NRXN2: variants seen among roughly 807,000 people sequenced by gnomAD.
The protein encoded by NRXN2 is neurexin-2-beta.
Under a neutral mutation model 128.8 loss-of-function variants are expected in NRXN2, and 29 were observed. The observed-to-expected ratio is 0.23, with a 90% confidence interval of 0.17 to 0.31. The LOEUF is 0.31. Ranked by LOEUF, NRXN2 falls within the 10% of genes least tolerant of loss-of-function variation. The probability of loss-of-function intolerance (pLI) is 1.00; values close to 1 mark genes in which losing one functional copy is unlikely to be tolerated. For missense variants in NRXN2, 1,881 were observed against 2,452.6 expected, an observed-to-expected ratio of 0.77 and a Z score of 4.92; for synonymous variants, 1,098 against 1,075.2, an observed-to-expected ratio of 1.02 and a Z score of -0.41.
intron 22 of NRXN2, among the ~76,000 whole-genome samples, chr11:64,610,254 G>C (rs4930556): frequency 0.52 from 78,507 of 151,980 alleles, 23,732 homozygotes; most frequent in Non-Finnish European, 0.7. Context: ...CCCTCCAAAG[G>C]CTCAGTCACA....
At chr11:64,637,054 G>A (rs1465533586) in intron 17 of NRXN2, among the ~76,000 whole-genome samples, 1 of 152,084 alleles carries the variant, frequency 6.6e-6, no homozygotes, top group African/African-American at 2.4e-5. Context: ...CCAGCAGGGG[G>A]TTGGGGGAAG....
chr11:64,703,539 T>A (rs953081379), intron 2 of NRXN2, among the ~76,000 whole-genome samples: 3 of 152,226 alleles, frequency 2.0e-5, no homozygotes, highest in Admixed American at 2.0e-4. Context: ...TCAAGACTTC[T>A]AGAAACTGAT....
In NRXN2 at chr11:64,620,368, G is replaced by A; in HGVS notation, c.4178C>T (p.Thr1393Ile). 1 of 1,552,900 alleles carries A rather than the reference G, an allele frequency of 6.4e-7. No individual in the cohort carries two copies. Among genetic ancestry groups the A allele is most frequent in the Non-Finnish European group, 8.7e-7 (1 of 1,147,686 alleles). The change falls in exon 22 of 23, where the codon ACA (threonine) becomes ATA (isoleucine). Residue 1393 changes from threonine to isoleucine, a missense_variant. This residue lies in a region of NRXN2 where 108 missense variants were observed against 165.2 expected (regional missense o/e 0.65). Coordinates refer to ENST00000265459, the MANE Select transcript of NRXN2 (RefSeq NM_015080.4). Reference protein sequence around the residue: ...PTLRDSTTQNTDDLLVASAEC... With the variant: ...PTLRDSTTQNIDDLLVASAEC... ...AGCAGAGGCCACCAGCAGGTCATCT[G>A]TGTTCTGAGGGGCGAGAGAAGGGGT...
At chr11:64,707,760 A>G (rs968032919) in intron 2 of NRXN2, among the ~76,000 whole-genome samples, 1 of 152,214 alleles carries the variant, frequency 6.6e-6, no homozygotes, top group Non-Finnish European at 1.5e-5. Context: ...TCTCTTAACA[A>G]CACACTGGAC....
chr11:64,657,125 G>A (rs540878022), intron 11 of NRXN2, among the ~76,000 whole-genome samples: 4 of 152,276 alleles, frequency 2.6e-5, no homozygotes. Flanking sequence ...GCCTCACCAG[G>A]CTTCTCTCTC....
chr11:64,656,272 C>A (rs1445068557), intron 11 of NRXN2, among the ~76,000 whole-genome samples: 1 of 152,186 alleles, frequency 6.6e-6, no homozygotes, highest in Non-Finnish European at 1.5e-5. Context: ...GGCAATGTAC[C>A]CTCCCATGGC....
At chr11:64,644,016 A>G (rs1016103385) in intron 17 of NRXN2, among the ~76,000 whole-genome samples, 1 of 151,986 alleles carries the variant, frequency 6.6e-6, no homozygotes. Flanking sequence ...CCACGTGCCC[A>G]TATGGGCACA....
chr11:64,707,682 T>C (rs546689215), intron 2 of NRXN2, among the ~76,000 whole-genome samples: 23 of 152,380 alleles, frequency 1.5e-4, no homozygotes, highest in African/African-American at 5.3e-4. Flanking sequence ...TCTTCATTTA[T>C]AGATAAGGAA....
chr11:64,651,129 G>T lies in NRXN2; in HGVS notation c.2918+126C>A. On this transcript the variant is annotated intron_variant, in intron 14 of 22. Transcript: ENST00000265459. This position sits in a 1 kb window ranked among gnomAD's most constrained non-coding sequence, Gnocchi z 5.9. ...GGGAGCCTCTCGACTTACGGTCGGG[G>T]ACCTGAATCTTGACTTGTGATCTGG... 7.6e-7 allele frequency: 1 copy of T among 1,319,156 alleles called. No homozygotes were observed. The highest frequency in any genetic ancestry group is 1.1e-6 in the Non-Finnish European group (1 of 930,184). The allele number at this position is 1,319,156 out of a possible 1,614,324, so 81.7% of individuals were successfully genotyped here.
At position 64,607,869 on chromosome 11, in the gene NRXN2, G is replaced by C; in HGVS notation, c.4466C>G (p.Pro1489Arg). 6.3e-7 allele frequency: 1 copy of C among 1,591,258 alleles called. No homozygotes were observed. Among genetic ancestry groups the C allele is most frequent in the South Asian group, 1.1e-5 (1 of 87,568 alleles). ...GGAGGCGAAGCCCGAGGCCTCGATG[G>C]GCTCCTCGCAGTCGCTGTCGTCCCG... ...AERDDSDCEE[P>R]IEASGFASGE... The change falls in exon 23 of 23, where the codon CCC (proline) becomes CGC (arginine). Residue 1489 changes from proline to arginine, a missense_variant. Physicochemically the swap from Pro to Arg is moderately radical, Grantham distance 103 (BLOSUM62 -2). Transcript: ENST00000265459.
Position 64,648,203 on chromosome 11 carries a change from C to T in NRXN2, c.3403+16G>A, listed in dbSNP as rs1555045274. The T allele has an allele frequency of 6.2e-7, 1 of 1,614,164 alleles. No individual in the cohort carries two copies. Among genetic ancestry groups the T allele is most frequent in the Middle Eastern group, 1.6e-4 (1 of 6,062 alleles). ...CTGGTCTCCCCAAACTGCCCCCAGCCCTCCCAGGCACTCACGATCATTGCA... is the reference window on the plus strand; with the variant it reads ...CTGGTCTCCCCAAACTGCCCCCAGCTCTCCCAGGCACTCACGATCATTGCA... On this transcript the variant is annotated intron_variant, in intron 17 of 22. Transcript: ENST00000265459. The surrounding 1 kb of genome is among the most constrained non-coding windows in gnomAD (Gnocchi z 4.1).
intron 2 of NRXN2, among the ~76,000 whole-genome samples, chr11:64,702,897 G>A (rs1327745199): frequency 6.9e-6 from 1 of 144,376 alleles, no homozygotes; most frequent in African/African-American, 2.6e-5. Flanking sequence ...GGTTGAAATA[G>A]AGGATCATTT....
Position 64,713,405 on chromosome 11 carries a change from C to T in NRXN2, c.295G>A (p.Ala99Thr), listed in dbSNP as rs762916724. The T allele has an allele frequency of 2.0e-6, 3 of 1,486,362 alleles. No individual in the cohort carries two copies. The highest frequency in any genetic ancestry group is 2.8e-5 in the East Asian group (1 of 35,088). 92.1% of individuals were successfully genotyped at this position (1,486,362 alleles called of 1,614,324 possible). The stretch of plus-strand genomic sequence containing the variant: ...ACCGGCGTGTCCAGCTGCAGCGTGG[C>T]CGGCTCGGCGCACGAAAGCGTGAAG... ...LRFTLSCAEPATLQLDTPVAD... is the reference protein window; with the variant it reads ...LRFTLSCAEPTTLQLDTPVAD... Residue 99 changes from alanine to threonine, a missense_variant, in exon 2 of 23, where the codon GCC becomes ACC. Ala to Thr is a moderately conservative substitution (Grantham distance 58). Around this residue, in one of 7 missense-constraint regions of NRXN2, gnomAD observed 997 missense variants for 1,240.8 expected, o/e 0.80. Transcript: ENST00000265459.
intron 3 of NRXN2, among the ~76,000 whole-genome samples, chr11:64,696,450 C>T (rs1343246076): frequency 2.0e-5 from 3 of 151,888 alleles, no homozygotes; most frequent in Non-Finnish European, 2.9e-5. Context: ...TATCCTCAGG[C>T]GTGCACACAG....
At chr11:64,718,124 T>G (rs2057345898) in intron 1 of NRXN2, among the ~76,000 whole-genome samples, 1 of 152,178 alleles carries the variant, frequency 6.6e-6, no homozygotes, top group African/African-American at 2.4e-5. Flanking sequence ...ACATTTCCCC[T>G]TGCACTTGCT....
chr11:64,607,625 C>T lies in NRXN2; in HGVS notation c.4710G>A (p.Pro1570=), dbSNP rs1352005275. 2.0e-6 allele frequency: 3 copies of T among 1,535,054 alleles called. No individual in the cohort carries two copies. The highest frequency in any genetic ancestry group is 2.6e-6 in the Non-Finnish European group (3 of 1,142,742). Residue 1570 remains proline (P), a synonymous_variant, in exon 23 of 23, where the codon CCG becomes CCA. Transcript: ENST00000265459. The stretch of plus-strand genomic sequence containing the variant: ...GCGGGTTCTCCAGCAAGGGCTGAAG[C>T]GGGTCTCGGTGGTTCATTTTGCCCG... ...LPAGKMNHRD[P]LQPLLENPPL... is the part of the protein sequence containing the mutation.
chr11:64,607,899 G>C lies in NRXN2; in HGVS notation c.4436C>G (p.Ala1479Gly), dbSNP rs778924747. 48 of 1,568,752 alleles carry C rather than the reference G, an allele frequency of 3.1e-5. No homozygotes were observed. The highest frequency in any genetic ancestry group is 4.1e-5 in the Non-Finnish European group (47 of 1,158,010). The change falls in exon 23 of 23, where the codon GCC becomes GGC. Residue 1479 changes from alanine (A) to glycine (G), a missense_variant. Physicochemically the swap from Ala to Gly is moderately conservative, Grantham distance 60. Around this residue, in one of 7 missense-constraint regions of NRXN2, gnomAD observed 310 missense variants for 318.2 expected, o/e 0.97. Transcript: ENST00000265459. Reference sequence around the variant, plus strand: ...CTCGCAGTCGCTGTCGTCCCGCTCGGCCTGGCACGGGCCCCCAGAGGGCGG... The same window carrying C: ...CTCGCAGTCGCTGTCGTCCCGCTCGCCCTGGCACGGGCCCCCAGAGGGCGG... Reference protein sequence around the residue: ...RRPPSGGPCQAERDDSDCEEP... With the variant: ...RRPPSGGPCQGERDDSDCEEP...
chr11:64,648,934 C>T lies in NRXN2; in HGVS notation c.3110-27G>A. The T allele has an allele frequency of 1.2e-6, 2 of 1,613,326 alleles. No individual in the cohort carries two copies. Among genetic ancestry groups the T allele is most frequent in the Non-Finnish European group, 1.7e-6 (2 of 1,179,360 alleles). ...TGCAAAGGGAGTGGGTCAACCAAGG[C>T]ATCCAGGTCCCCATTCCCATCCCAA... is the stretch of plus-strand genomic sequence containing the variant. On this transcript the variant is annotated intron_variant, in intron 15 of 22. Coordinates refer to ENST00000265459, the MANE Select transcript of NRXN2 (RefSeq NM_015080.4). The surrounding 1 kb of genome is among the most constrained non-coding windows in gnomAD (Gnocchi z 4.1).
In NRXN2 at chr11:64,629,816, G is replaced by A. The variant is rs145925593; in HGVS notation, c.3757+586C>T. Among the ~76,000 whole-genome samples the A allele has an allele frequency of 2.0e-3, 307 of 152,208 alleles. 1 individual carries two copies. Among genetic ancestry groups the A allele is most frequent in the African/African-American group, 7.0e-3 (292 of 41,504 alleles). ...CTTGTCTCTTCCTCCCTTTCACCAT[G>A]TCCCTCACCGCCTTGGACACTGGGG... On this transcript the variant is annotated intron_variant, in intron 19 of 22. Coordinates refer to ENST00000265459, the MANE Select transcript of NRXN2 (RefSeq NM_015080.4).
Sources: allele counts gnomAD v4.1 joint callset (sites outside exome capture counted in the v4.1 genomes callset), GRCh38; gene constraint gnomAD v4.1.1; regional missense constraint gnomAD v4.1.1; non-coding constraint Gnocchi (gnomAD v3.1); transcripts MANE v1.5; gene names NCBI Gene and HGNC (gene_info 2026-07-23, HGNC 2026-07-21).